The following AOPEP variants were observed in gnomAD, a reference collection of about 807,000 sequenced individuals.
AOPEP encodes aminopeptidase O.
Under a neutral mutation model 98.1 loss-of-function variants are expected in AOPEP, and 77 were observed. That is an observed-to-expected ratio of 0.78 (90% CI 0.65 to 0.95). AOPEP has a LOEUF of 0.95. Ranked by LOEUF, AOPEP falls within the 40% of genes least tolerant of loss-of-function variation. The pLI, the probability that AOPEP is intolerant of heterozygous loss-of-function variation, is 0.00. For synonymous variants in AOPEP, 346 were observed against 365.3 expected, an observed-to-expected ratio of 0.95 and a Z score of 0.60; for missense variants, 1,024 against 1,024.7, an observed-to-expected ratio of 1.00 and a Z score of 0.01.
intron 3 of AOPEP, among the ~76,000 whole-genome samples, chr9:94,779,026 A>T (rs1842744656): frequency 7.1e-6 from 1 of 140,060 alleles, no homozygotes; most frequent in Admixed American, 7.1e-5. Flanking sequence ...GATACTGTCT[A>T]AAAAAAAAAA....
intron 5 of AOPEP, among the ~76,000 whole-genome samples, chr9:94,884,391 G>A (rs942908369): frequency 4.6e-5 from 7 of 152,194 alleles, no homozygotes; most frequent in African/African-American, 1.7e-4. Context: ...GACTAGGAAA[G>A]TTGAAAATGA....
intron 7 of AOPEP, among the ~76,000 whole-genome samples, chr9:94,954,750 A>G (rs2137950000): frequency 6.6e-6 from 1 of 152,340 alleles, no homozygotes; most frequent in Non-Finnish European, 1.5e-5. Flanking sequence ...AGGAGCCTTA[A>G]TTACTAAGTG....
At chr9:95,128,177 C>T in the AOPEP span, among the ~76,000 whole-genome samples, 1 of 151,878 alleles carries the variant, frequency 6.6e-6, no homozygotes, top group Non-Finnish European at 1.5e-5. Context: ...AAGAGGTCAC[C>T]GGATATAAGC....
chr9:94,760,537 C>A lies in AOPEP; in HGVS notation c.754C>A (p.Pro252Thr), dbSNP rs371873852. Residue 252 changes from proline to threonine, a missense_variant, in exon 2 of 17, where the codon CCT (proline) becomes ACT (threonine). Physicochemically the swap from Pro to Thr is conservative, Grantham distance 38. Coordinates refer to ENST00000375315, the MANE Select transcript of AOPEP (RefSeq NM_001193329.3). ...TATCAGGATATGGTACAAAACTAAA[C>A]CTGAAGGGCGATCGGTTACATGGAC... ...HAIRIWYKTK[P>T]EGRSVTWTSD... The A allele has an allele frequency of 6.4e-7, 1 of 1,570,840 alleles. No individual in the cohort carries two copies. The highest frequency in any genetic ancestry group is 8.6e-7 in the Non-Finnish European group (1 of 1,162,358).
At chr9:94,774,126 C>G (rs1841522913) in intron 3 of AOPEP, among the ~76,000 whole-genome samples, 1 of 151,724 alleles carries the variant, frequency 6.6e-6, no homozygotes, top group African/African-American at 2.4e-5. Context: ...TCCTGGCTAA[C>G]ACGGTGAAAT....
At chr9:94,834,784 C>T (rs2041353523) in intron 5 of AOPEP, among the ~76,000 whole-genome samples, 1 of 150,386 alleles carries the variant, frequency 6.6e-6, no homozygotes, top group Non-Finnish European at 1.5e-5. Context: ...CAGAGCGAGA[C>T]TGTCTCTAAA....
intron 14 of AOPEP, among the ~76,000 whole-genome samples, chr9:95,072,996 T>A (rs969848181): frequency 6.6e-6 from 1 of 152,210 alleles, no homozygotes; most frequent in African/African-American, 2.4e-5. Flanking sequence ...TGGCTGGGGC[T>A]GAGGCTGGGG....
At chr9:95,029,296 T>C (rs994498281) in intron 13 of AOPEP, among the ~76,000 whole-genome samples, 2 of 152,186 alleles carry the variant, frequency 1.3e-5, no homozygotes, top group Non-Finnish European at 2.9e-5. Context: ...CTTATGGGCA[T>C]TGTGTAGATG....
chr9:94,801,056 C>G, intron 5 of AOPEP, 54 bp downstream of exon 5: 1 of 1,592,622 alleles, frequency 6.3e-7, no homozygotes. Flanking sequence ...AATTCTTTGA[C>G]TATGTCTTGC....
intron 13 of AOPEP, among the ~76,000 whole-genome samples, chr9:95,026,069 A>G (rs907753493): frequency 2.6e-5 from 4 of 152,240 alleles, no homozygotes; most frequent in East Asian, 1.9e-4. Context: ...CTGCATTCTC[A>G]TAATGCTAAT....
At chr9:94,745,997 C>A (rs1834395503) in intron 1 of AOPEP, among the ~76,000 whole-genome samples, 1 of 152,238 alleles carries the variant, frequency 6.6e-6, no homozygotes, top group Non-Finnish European at 1.5e-5. Context: ...CAATGTACGA[C>A]AGGGGTTCCC....
intron 13 of AOPEP, among the ~76,000 whole-genome samples, chr9:95,038,365 T>A (rs2065009768): frequency 6.6e-6 from 1 of 152,156 alleles, no homozygotes; most frequent in African/African-American, 2.4e-5. Flanking sequence ...TGCACTTTGG[T>A]TTCTAGGCAA....
chr9:95,042,355 A>C (rs993039045), intron 13 of AOPEP, among the ~76,000 whole-genome samples: 1 of 149,756 alleles, frequency 6.7e-6, no homozygotes, highest in Non-Finnish European at 1.5e-5. Flanking sequence ...TAAATACATA[A>C]ATAAATAAAT....
chr9:95,012,307 G>A (rs949471000), intron 13 of AOPEP, among the ~76,000 whole-genome samples: 6 of 152,168 alleles, frequency 3.9e-5, no homozygotes, highest in African/African-American at 1.4e-4. Context: ...GAAGTGTGCT[G>A]ATAATTACAC....
intron 13 of AOPEP, among the ~76,000 whole-genome samples, chr9:95,056,025 G>A (rs1243367632): frequency 1.3e-5 from 2 of 152,176 alleles, no homozygotes; most frequent in Non-Finnish European, 2.9e-5. Flanking sequence ...CTTTCTGTGT[G>A]TTTCAGACAG....
intron 2 of AOPEP, among the ~76,000 whole-genome samples, chr9:94,762,125 A>C (rs1838445878): frequency 6.6e-6 from 1 of 152,218 alleles, no homozygotes; most frequent in Non-Finnish European, 1.5e-5. Context: ...AGTGATGAGT[A>C]CTTACAGATA....
chr9:94,786,789 G>A (rs942584843), intron 3 of AOPEP, among the ~76,000 whole-genome samples: 4 of 152,348 alleles, frequency 2.6e-5, no homozygotes, highest in African/African-American at 9.6e-5. Context: ...GAAGCCCAGG[G>A]CCAGACTCTA....
chr9:94,895,584 C>CT (rs2049437561), intron 5 of AOPEP, among the ~76,000 whole-genome samples: 1 of 151,840 alleles, frequency 6.6e-6, no homozygotes, highest in Non-Finnish European at 1.5e-5. Context: ...CAAGTGCCTG[C>CT]TTTTTTCTTT....
intron 2 of AOPEP, among the ~76,000 whole-genome samples, chr9:94,768,382 A>G (rs531275539): frequency 1.3e-5 from 2 of 152,364 alleles, no homozygotes; most frequent in South Asian, 4.1e-4. Context: ...TGGCTGCGAA[A>G]AGACAAATGC....
Sources: gnomAD v4.1 joint callset for allele counts (sites outside exome capture counted in the v4.1 genomes callset) on GRCh38, gnomAD v4.1.1 for gene constraint, MANE v1.5 for transcripts, NCBI Gene and HGNC (gene_info 2026-07-23, HGNC 2026-07-21) for gene names.